SLC17A6: variants seen among roughly 807,000 people sequenced by gnomAD.
The protein encoded by SLC17A6 is solute carrier family 17 member 6.
Under a neutral mutation model 67.1 loss-of-function variants are expected in SLC17A6, and 35 were observed. The observed-to-expected ratio is 0.52, with a 90% CI of 0.40 to 0.69. The LOEUF (loss-of-function observed/expected upper bound fraction) is 0.69. SLC17A6 is among the 30% of genes least tolerant of loss of function. The pLI is 0.00. For missense variants in SLC17A6, 588 were observed against 723.9 expected (o/e 0.81, Z 2.15); for synonymous variants, 285 against 252.3 (o/e 1.13, Z -1.23).
At chr11:22,362,243 G>A (rs1856060668) in intron 5 of SLC17A6, 2 of 474,046 alleles carry the variant, frequency 4.2e-6, no homozygotes. Flanking sequence ...GCCATGCTTT[G>A]AGAACTGAAG....
chr11:22,368,720 C>A (rs1856140320), intron 7 of SLC17A6, among the ~76,000 whole-genome samples: 1 of 151,964 alleles, frequency 6.6e-6, no homozygotes, highest in African/African-American at 2.4e-5. Flanking sequence ...TGTCTTCTGA[C>A]ATTTTTATTA....
rs185952301 is a variant in SLC17A6 at position 22,339,471 on chromosome 11, G to T, written c.86+852G>T. Among the ~76,000 whole-genome samples the T allele has an allele frequency of 1.7e-3, 258 of 151,998 alleles. 2 individuals carry two copies. Among genetic ancestry groups the T allele is most frequent in the Non-Finnish European group, 2.6e-3 (180 of 67,990 alleles). ...AAGCAACATTACTTTGAAAGTCCTA[G>T]AAATGATTTAATTATTTAATCCTCC... On this transcript the variant is annotated intron_variant, in intron 1 of 11. Coordinates refer to ENST00000263160, the MANE Select transcript of SLC17A6 (RefSeq NM_020346.3).
intron 5 of SLC17A6, among the ~76,000 whole-genome samples, chr11:22,361,881 A>G (rs1349175136): frequency 6.6e-6 from 1 of 152,226 alleles, no homozygotes; most frequent in Non-Finnish European, 1.5e-5. Context: ...TAATGCTAGT[A>G]ATAGGAAATT....
At chr11:22,376,804 T>C in intron 11 of SLC17A6, 132 bp downstream of exon 11, 1 of 879,886 alleles carries the variant, frequency 1.1e-6, no homozygotes, top group Non-Finnish European at 1.8e-6. Flanking sequence ...GAGTGGGAAA[T>C]ATAAATGAGG....
At chr11:22,353,172 A>G (rs1855961045) in intron 3 of SLC17A6, among the ~76,000 whole-genome samples, 1 of 152,204 alleles carries the variant, frequency 6.6e-6, no homozygotes, top group Non-Finnish European at 1.5e-5. Flanking sequence ...TGGACCATAC[A>G]GTGTCCCCTT....
At chr11:22,350,467 A>C (rs538296340) in intron 3 of SLC17A6, among the ~76,000 whole-genome samples, 27 of 152,126 alleles carry the variant, frequency 1.8e-4, no homozygotes, top group South Asian at 4.2e-4. Flanking sequence ...ACAAAAAAAA[A>C]CCCAACAATT....
At chr11:22,341,997 T>C (rs773997765) in intron 2 of SLC17A6, among the ~76,000 whole-genome samples, 2 of 152,164 alleles carry the variant, frequency 1.3e-5, no homozygotes, top group Non-Finnish European at 2.9e-5. Flanking sequence ...AACTGCAAAG[T>C]GGAAAAGAGG....
At chr11:22,366,120 C>G (rs76034012) in intron 7 of SLC17A6, among the ~76,000 whole-genome samples, 1,820 of 152,082 alleles carry the variant, frequency 0.012, 45 homozygotes, top group African/African-American at 0.042. Context: ...GGGTTGCTAC[C>G]GAACCCTACA....
chr11:22,342,142 G>A (rs1855822636), intron 2 of SLC17A6, among the ~76,000 whole-genome samples: 1 of 152,172 alleles, frequency 6.6e-6, no homozygotes, highest in Non-Finnish European at 1.5e-5. Context: ...AGTTTTCCCA[G>A]GACTTCAGTC....
Position 22,378,631 on chromosome 11 carries a change from C to A in SLC17A6, c.*891C>A, listed in dbSNP as rs954360259. The stretch of plus-strand genomic sequence containing the variant: ...TTATGGAGATATAGCCCTTAAAATG[C>A]AATATTAAGAACAAAGAAATAGAAA... On this transcript the variant is annotated 3_prime_UTR_variant, in exon 12 of 12. Coordinates refer to ENST00000263160, the MANE Select transcript of SLC17A6 (RefSeq NM_020346.3). The A allele has an allele frequency of 2.6e-5, 4 of 152,160 alleles. No homozygotes were observed. The highest frequency in any genetic ancestry group is 4.4e-5 in the Non-Finnish European group (3 of 67,910). The allele number at this position is 152,160 out of a possible 1,614,324, so 9.4% of individuals were successfully genotyped here.
chr11:22,354,497 AT>A (rs1428400966), intron 3 of SLC17A6, among the ~76,000 whole-genome samples: 2 of 152,208 alleles, frequency 1.3e-5, no homozygotes, highest in African/African-American at 4.8e-5. Flanking sequence ...GACCCTCTCC[AT>A]TTAACTACTT....
chr11:22,373,290 C>T (rs1856194298), intron 8 of SLC17A6, among the ~76,000 whole-genome samples: 1 of 152,022 alleles, frequency 6.6e-6, no homozygotes, highest in Non-Finnish European at 1.5e-5. Flanking sequence ...TTATAAATGC[C>T]AAAAATATGC....
intron 3 of SLC17A6, among the ~76,000 whole-genome samples, chr11:22,351,326 T>C (rs747525914): frequency 2.0e-5 from 3 of 152,110 alleles, no homozygotes; most frequent in Non-Finnish European, 2.9e-5. Context: ...GCTTCTAGGG[T>C]ACCCATCACC....
chr11:22,357,089 G>A lies in SLC17A6; in HGVS notation c.459-2324G>A, dbSNP rs187230791. ...AAATCCTAGTGGCAAAACTCATTGG[G>A]TTTTAAATAAAACAGAACTATATCT... On this transcript the variant is annotated intron_variant, in intron 3 of 11. Coordinates refer to ENST00000263160, the MANE Select transcript of SLC17A6 (RefSeq NM_020346.3). Among the ~76,000 whole-genome samples, 280 of 152,252 alleles carry A rather than the reference G, an allele frequency of 1.8e-3. 3 individuals carry two copies. The highest frequency in any genetic ancestry group is 3.4e-3 in the Middle Eastern group (1 of 294).
intron 7 of SLC17A6, among the ~76,000 whole-genome samples, chr11:22,369,502 T>C (rs552325634): frequency 1.6e-4 from 24 of 152,118 alleles, no homozygotes; most frequent in African/African-American, 5.8e-4. Flanking sequence ...TAATTTATGA[T>C]TGATTGATAG....
chr11:22,365,763 C>T lies in SLC17A6; in HGVS notation c.891+74C>T, dbSNP rs921373955. 6.8e-6 allele frequency: 10 copies of T among 1,471,752 alleles called. No individual in the cohort carries two copies. The African/African-American group carries it at 1.4e-4, about 21-fold the overall frequency. The allele number at this position is 1,471,752 out of a possible 1,614,324, so 91.2% of individuals were successfully genotyped here. A position where few individuals can be genotyped will look rare whatever the true frequency, so the allele number is the denominator to read the frequency against. On this transcript the variant is annotated intron_variant, in intron 7 of 11. Coordinates refer to ENST00000263160, the MANE Select transcript of SLC17A6 (RefSeq NM_020346.3). ...CCCATTGACCAACCAAACTATCTTACAAGTTCTTCCTCAGCAAAACTAATT... is the reference window on the plus strand; with the variant it reads ...CCCATTGACCAACCAAACTATCTTATAAGTTCTTCCTCAGCAAAACTAATT...
intron 3 of SLC17A6, among the ~76,000 whole-genome samples, chr11:22,354,710 TA>T (rs1327731769): frequency 6.6e-6 from 1 of 152,236 alleles, no homozygotes; most frequent in Non-Finnish European, 1.5e-5. Context: ...CTACAACAGA[TA>T]AGTAATGTAA....
chr11:22,360,852 T>C, intron 4 of SLC17A6, 45 bp from the exon 5 acceptor site: 1 of 1,547,932 alleles, frequency 6.5e-7, no homozygotes, highest in Non-Finnish European at 8.9e-7. Flanking sequence ...AAAAAGACTC[T>C]TGATCCTAAA....
chr11:22,364,774 G>A (rs1856090760), intron 6 of SLC17A6, among the ~76,000 whole-genome samples: 1 of 152,064 alleles, frequency 6.6e-6, no homozygotes, highest in African/African-American at 2.4e-5. Flanking sequence ...TGAGATTCTT[G>A]CTATTATTAA....
Sources: allele counts gnomAD v4.1 joint callset (sites outside exome capture counted in the v4.1 genomes callset), GRCh38; gene constraint gnomAD v4.1.1; transcripts MANE v1.5; gene names NCBI Gene and HGNC (gene_info 2026-07-23, HGNC 2026-07-21).